The following ZNF736 variants were observed in gnomAD, a reference collection of about 807,000 sequenced individuals.
ZNF736 encodes KRAB-containing zinc-finger repressor protein.
A neutral mutation model predicts 11.7 loss-of-function variants in ZNF736; 6 were observed. The ratio of observed to expected loss-of-function variants is 0.51; its 90% CI spans 0.28 to 1.01. ZNF736 has a LOEUF of 1.01. ZNF736 is among the 50% of genes least tolerant of loss of function. ZNF736 has a pLI of 0.09. For missense variants in ZNF736, 444 were observed against 496.0 expected (o/e 0.90, Z 1.00); for synonymous variants, 139 against 164.7 (o/e 0.84, Z 1.19).
intron 3 of ZNF736, among the ~76,000 whole-genome samples, chr7:64,340,418 CAAGTCA>C (rs999739029): frequency 2.3e-5 from 3 of 131,628 alleles, no homozygotes; most frequent in African/African-American, 9.7e-5. Flanking sequence ...AATTTTAAGT[CAAGTCA>C]AAATAGTTGA....
At chr7:64,340,483 C>T (rs1789321926) in intron 3 of ZNF736, among the ~76,000 whole-genome samples, 1 of 152,154 alleles carries the variant, frequency 6.6e-6, no homozygotes, top group Non-Finnish European at 1.5e-5. Flanking sequence ...AAGTTTGCCA[C>T]CTATATGAGG....
intron 1 of ZNF736, among the ~76,000 whole-genome samples, chr7:64,323,266 A>G (rs1789026956): frequency 1.3e-5 from 2 of 152,192 alleles, no homozygotes; most frequent in Non-Finnish European, 2.9e-5. Flanking sequence ...AAAATACCGG[A>G]TAAGAAATTT....
chr7:64,334,614 G>T (rs1296293329), intron 1 of ZNF736, among the ~76,000 whole-genome samples: 2 of 152,146 alleles, frequency 1.3e-5, no homozygotes, highest in Admixed American at 1.3e-4. Context: ...AGTTAGAATG[G>T]CGAGCATTAA....
At chr7:64,346,021 TTC>T (rs1371304665) in intron 3 of ZNF736, among the ~76,000 whole-genome samples, 4 of 152,342 alleles carry the variant, frequency 2.6e-5, no homozygotes, top group Admixed American at 1.3e-4. Context: ...CTCATTGATA[TTC>T]TGTCTTGCTT....
chr7:64,322,991 T>C (rs567718358), intron 1 of ZNF736, among the ~76,000 whole-genome samples: 1 of 152,320 alleles, frequency 6.6e-6, no homozygotes, highest in South Asian at 2.1e-4. Context: ...CACCTAAACT[T>C]ACAGTCTTTA....
chr7:64,323,350 T>C (rs1789027708), intron 1 of ZNF736, among the ~76,000 whole-genome samples: 1 of 152,222 alleles, frequency 6.6e-6, no homozygotes, highest in South Asian at 2.1e-4. Flanking sequence ...CACTTGTGAT[T>C]ACATTTCAAT....
intron 1 of ZNF736, among the ~76,000 whole-genome samples, chr7:64,320,233 A>G (rs557900485): frequency 1.3e-5 from 2 of 152,270 alleles, no homozygotes; most frequent in Admixed American, 1.3e-4. Context: ...GTGGGTTGCA[A>G]TCTATATTTT....
rs1789502125 is a variant in ZNF736, at chr7:64,352,555, C to T, written c.*3408C>T. The T allele has an allele frequency of 6.5e-6, 1 of 154,028 alleles. No individual in the cohort carries two copies. The highest frequency in any genetic ancestry group is 1.4e-5 in the Non-Finnish European group (1 of 69,392). 9.5% of individuals were successfully genotyped at this position (154,028 alleles called of 1,614,324 possible). On this transcript the variant is annotated 3_prime_UTR_variant, in exon 4 of 4. Coordinates refer to ENST00000423484, the MANE Select transcript of ZNF736 (RefSeq NM_001170905.3). ...ACAGCAAAAATGGCAGCTCACTCCT[C>T]CCTCTAGGAACTGTATCCCAAAGAG...
chr7:64,328,640 T>C (rs1310868800), intron 1 of ZNF736, among the ~76,000 whole-genome samples: 2 of 152,084 alleles, frequency 1.3e-5, no homozygotes, highest in East Asian at 1.9e-4. Context: ...CGGGCTCCTG[T>C]AGTCCCAGCT....
Position 64,313,989 on chromosome 7 carries a change from G to C in ZNF736, c.-162G>C, listed in dbSNP as rs1584262043. On this transcript the variant is annotated 5_prime_UTR_variant, in exon 1 of 4. Coordinates refer to ENST00000423484, the MANE Select transcript of ZNF736 (RefSeq NM_001170905.3). ...GCCTCTTCAATATGGCGGGGCCTTT[G>C]TCTCCTAGCTTCCGGGCTCTGATCC... 1.1e-6 allele frequency: 1 copy of C among 940,600 alleles called. No individual in the cohort carries two copies. Among genetic ancestry groups the C allele is most frequent in the Non-Finnish European group, 1.6e-6 (1 of 617,440 alleles). The allele number at this position is 940,600 out of a possible 1,614,324, so 58.3% of individuals were successfully genotyped here.
chr7:64,348,591 C>T lies in ZNF736; in HGVS notation c.728C>T (p.Thr243Ile). The T allele has an allele frequency of 3.1e-6, 5 of 1,594,804 alleles. No homozygotes were observed. Among genetic ancestry groups the T allele is most frequent in the Non-Finnish European group, 4.3e-6 (5 of 1,170,490 alleles). ...GCGKTFTCSS[T>I]LVKHKRNHTG... ...GGCAAAACTTTTACCTGCTCCTCAA[C>T]CCTTGTTAAACACAAGAGAAATCAT... The change falls in exon 4 of 4, where the codon ACC becomes ATC. Residue 243 changes from threonine to isoleucine, a missense_variant. Thr to Ile is a moderately conservative substitution (Grantham distance 89). Coordinates refer to ENST00000423484, the MANE Select transcript of ZNF736 (RefSeq NM_001170905.3).
intron 1 of ZNF736, among the ~76,000 whole-genome samples, chr7:64,325,971 T>C (rs1789077789): frequency 6.6e-6 from 1 of 152,210 alleles, no homozygotes; most frequent in Non-Finnish European, 1.5e-5. Flanking sequence ...ACCCGGTTAA[T>C]TTAAGATGAA....
chr7:64,319,333 G>GTATATATATA (rs71060585), intron 1 of ZNF736, among the ~76,000 whole-genome samples: 14 of 71,642 alleles, frequency 2.0e-4, no homozygotes, highest in Middle Eastern at 9.3e-3. Flanking sequence ...GTGTGTATGT[G>GTATATATATA]TATATATATA....
chr7:64,343,592 A>G (rs1033260209), intron 3 of ZNF736, among the ~76,000 whole-genome samples: 7 of 152,202 alleles, frequency 4.6e-5, no homozygotes, highest in African/African-American at 1.7e-4. Flanking sequence ...ATACCAAAAT[A>G]TGTGCTCTTT....
Position 64,314,089 on chromosome 7 carries a change from C to A in ZNF736, c.-62C>A, listed in dbSNP as rs1788876326. The A allele has an allele frequency of 1.3e-6, 2 of 1,550,458 alleles. No individual in the cohort carries two copies. The highest frequency in any genetic ancestry group is 2.0e-5 in the Admixed American group (1 of 50,990). ...TGACTCTACTATAGCTTCTGTTATCCTGTGACCTGCAGGTACTGGGAGATC... is the reference window on the plus strand; with the variant it reads ...TGACTCTACTATAGCTTCTGTTATCATGTGACCTGCAGGTACTGGGAGATC... On this transcript the variant is annotated 5_prime_UTR_variant, in exon 1 of 4. It adds an upstream start codon to the 5' untranslated region. Transcript: ENST00000423484.
chr7:64,340,466 G>A (rs1169970919), intron 3 of ZNF736, among the ~76,000 whole-genome samples: 1 of 152,096 alleles, frequency 6.6e-6, no homozygotes, highest in African/African-American at 2.4e-5. Context: ...AAAGAGCAAG[G>A]GTTTTCAAGT....
At chr7:64,339,275 A>C (rs1286871910) in intron 3 of ZNF736, among the ~76,000 whole-genome samples, 1 of 152,100 alleles carries the variant, frequency 6.6e-6, no homozygotes, top group African/African-American at 2.4e-5. Context: ...TTGGTTCTAC[A>C]GAAGTGTTTT....
chr7:64,319,252 A>G (rs1562666552), intron 1 of ZNF736, among the ~76,000 whole-genome samples: 1 of 149,066 alleles, frequency 6.7e-6, no homozygotes, highest in Admixed American at 6.7e-5. Context: ...ACGTATGTAT[A>G]TGTATGTGTG....
chr7:64,336,714 A>G (rs1392635735), intron 2 of ZNF736, among the ~76,000 whole-genome samples, 173 bp from the exon 3 acceptor site: 2 of 152,216 alleles, frequency 1.3e-5, no homozygotes, highest in Non-Finnish European at 2.9e-5. Flanking sequence ...AGAGCTAAGA[A>G]CCACAAATTT....
Sources: gnomAD v4.1 joint callset for allele counts (sites outside exome capture counted in the v4.1 genomes callset) on GRCh38, gnomAD v4.1.1 for gene constraint, MANE v1.5 for transcripts, NCBI Gene and HGNC (gene_info 2026-07-23, HGNC 2026-07-21) for gene names.